ZNF569: variants seen among roughly 807,000 people sequenced by gnomAD.
ZNF569 encodes zinc finger protein 569.
A neutral mutation model predicts 56.3 loss-of-function variants in ZNF569; 38 were observed. That is an observed-to-expected ratio of 0.68 (90% CI 0.52 to 0.88). The LOEUF (loss-of-function observed/expected upper bound fraction) is 0.88, where lower values mean the gene tolerates loss of function less well. Ranked by LOEUF, ZNF569 falls within the 40% of genes least tolerant of loss-of-function variation. The pLI, the probability that ZNF569 is intolerant of heterozygous loss-of-function variation, is 0.00. For missense variants in ZNF569, 666 were observed against 809.2 expected, an observed-to-expected ratio of 0.82 and a Z score of 2.15; for synonymous variants, 241 against 262.9, an observed-to-expected ratio of 0.92 and a Z score of 0.81.
intron 2 of ZNF569, among the ~76,000 whole-genome samples, chr19:37,464,574 A>G (rs747417771): frequency 9.9e-5 from 15 of 152,132 alleles, no homozygotes; most frequent in Admixed American, 2.0e-4. Context: ...ACAGTTGCCT[A>G]TGGTAGTCAG....
At chr19:37,447,834 T>G (rs1440832517) in intron 2 of ZNF569, among the ~76,000 whole-genome samples, 1 of 152,212 alleles carries the variant, frequency 6.6e-6, no homozygotes, top group Non-Finnish European at 1.5e-5. Context: ...GTTTGTCAAG[T>G]GCTTTTCTGC....
intron 2 of ZNF569, among the ~76,000 whole-genome samples, chr19:37,453,863 C>T (rs1367452002): frequency 6.6e-6 from 1 of 152,090 alleles, no homozygotes; most frequent in African/African-American, 2.4e-5. Flanking sequence ...TGTTGCAATA[C>T]CTATGTCATA....
chr19:37,450,653 T>C (rs1379487130), intron 2 of ZNF569, among the ~76,000 whole-genome samples: 1 of 152,164 alleles, frequency 6.6e-6, no homozygotes, highest in East Asian at 1.9e-4. Context: ...CTTTATTTCC[T>C]TTCTTCTGCT....
chr19:37,465,720 G>C (rs1197184685), intron 1 of ZNF569, among the ~76,000 whole-genome samples: 2 of 152,042 alleles, frequency 1.3e-5, no homozygotes, highest in East Asian at 3.9e-4. Flanking sequence ...CAGAATAATT[G>C]GATAGGTTCT....
chr19:37,468,384 C>T (rs371730544), upstream of ZNF569, among the ~76,000 whole-genome samples: 4 of 152,276 alleles, frequency 2.6e-5, no homozygotes, highest in African/African-American at 9.6e-5. Context: ...CCGCACGGGG[C>T]CGGTCTTAAT....
At chr19:37,432,482 G>T (rs1054434285) in intron 3 of ZNF569, among the ~76,000 whole-genome samples, 5 of 152,194 alleles carry the variant, frequency 3.3e-5, no homozygotes, top group Non-Finnish European at 5.9e-5. Flanking sequence ...ATGCAGATAT[G>T]GTTGCAGTGA....
chr19:37,434,113 A>G (rs1052124759), intron 3 of ZNF569, among the ~76,000 whole-genome samples: 1 of 151,742 alleles, frequency 6.6e-6, no homozygotes, highest in African/African-American at 2.4e-5. Context: ...CATTCTGGCC[A>G]ACACTGTGAA....
chr19:37,461,881 T>C (rs983391089), intron 2 of ZNF569, among the ~76,000 whole-genome samples: 1 of 152,202 alleles, frequency 6.6e-6, no homozygotes, highest in African/African-American at 2.4e-5. Context: ...CTAGCCTGTC[T>C]GGCTGCAACT....
intron 2 of ZNF569, among the ~76,000 whole-genome samples, chr19:37,458,857 A>T (rs2041714582): frequency 6.6e-6 from 1 of 152,238 alleles, no homozygotes; most frequent in Non-Finnish European, 1.5e-5. Context: ...GAAATGCTAG[A>T]AATCAAAAAC....
In ZNF569 at chr19:37,450,089, C is replaced by CT. The variant is rs2041567780; in HGVS notation, c.-43-5126dup. On this transcript the variant is annotated intron_variant, in intron 2 of 5. Coordinates refer to ENST00000316950, the MANE Select transcript of ZNF569 (RefSeq NM_152484.3). The stretch of plus-strand genomic sequence containing the variant: ...AGTATTTTGTTGGGGATTTTTGCAT[C>CT]TGTGCTCACCAGGAATACTGCCCTG... 1.3e-5 allele frequency among the ~76,000 whole-genome samples: 2 copies of CT among 152,178 alleles called. 1 individual carries two copies. Among genetic ancestry groups the CT allele is most frequent in the South Asian group, 4.1e-4 (2 of 4,834 alleles).
chr19:37,434,689 G>A (rs1311600538), intron 3 of ZNF569, among the ~76,000 whole-genome samples: 3 of 152,202 alleles, frequency 2.0e-5, no homozygotes, highest in African/African-American at 7.2e-5. Flanking sequence ...AGTGAAAATA[G>A]CCTTAACTGA....
intron 3 of ZNF569, among the ~76,000 whole-genome samples, chr19:37,430,786 A>G (rs1314823939): frequency 1.3e-5 from 2 of 152,218 alleles, no homozygotes; most frequent in Admixed American, 1.3e-4. Flanking sequence ...GGTAGGAAAG[A>G]CAGTCGTGAA....
chr19:37,416,444 T>C (rs540488352), intron 5 of ZNF569, among the ~76,000 whole-genome samples: 1 of 152,268 alleles, frequency 6.6e-6, no homozygotes, highest in Admixed American at 6.5e-5. Flanking sequence ...TCCCTCATTA[T>C]CTATTGGGGA....
intron 2 of ZNF569, among the ~76,000 whole-genome samples, chr19:37,456,347 T>C (rs1214078791): frequency 6.6e-6 from 1 of 152,230 alleles, no homozygotes; most frequent in Non-Finnish European, 1.5e-5. Flanking sequence ...CTTGCACGTT[T>C]TTGTTTTCAT....
At chr19:37,444,836 T>C in intron 3 of ZNF569, 71 bp downstream of exon 3, 1 of 1,220,446 alleles carries the variant, frequency 8.2e-7, no homozygotes, top group South Asian at 1.3e-5. Flanking sequence ...ATTTACTGTA[T>C]GAATTACTGC....
In ZNF569 at chr19:37,413,935, A is replaced by G; in HGVS notation, c.723T>C (p.Ser241=). 1 of 1,613,404 alleles carries G rather than the reference A, an allele frequency of 6.2e-7. No homozygotes were observed. ...CTTTACCACATTCATTACATTTGTA[A>G]GACTGCTCCCTACTGTGAATTTTAT... ...KHYKIHSREQ[S]YKCNECGKAF... is the part of the protein sequence containing the mutation. The change falls in exon 6 of 6, where the codon TCT becomes TCC. Residue 241 remains serine, a synonymous_variant. Transcript: ENST00000316950.
intron 2 of ZNF569, chr19:37,455,167 A>T: frequency 3.1e-6 from 1 of 320,192 alleles, no homozygotes; most frequent in South Asian, 7.5e-5. Context: ...CTTGCAAATA[A>T]AGTTAGGATT....
At chr19:37,466,657 T>C (rs1333917331) in intron 1 of ZNF569, 1 of 152,152 alleles carries the variant, frequency 6.6e-6, no homozygotes, top group East Asian at 1.9e-4. Flanking sequence ...AAACAACGTA[T>C]TTCCAATGAC....
chr19:37,414,440 A>C, intron 5 of ZNF569, 21 bp from the exon 6 acceptor site: 1 of 1,528,652 alleles, frequency 6.5e-7, no homozygotes, highest in Non-Finnish European at 8.7e-7. Flanking sequence ...TTGCAAATAA[A>C]TATCACTTAC....
Sources: allele counts gnomAD v4.1 joint callset (sites outside exome capture counted in the v4.1 genomes callset), GRCh38; gene constraint gnomAD v4.1.1; transcripts MANE v1.5; gene names NCBI Gene and HGNC (gene_info 2026-07-23, HGNC 2026-07-21).